The following FGFR4 variants were observed in gnomAD, a reference collection of about 807,000 sequenced individuals.
The protein encoded by FGFR4 is hydroxyaryl-protein kinase.
Under a neutral mutation model 89.9 loss-of-function variants are expected in FGFR4, and 63 were observed. That is an observed-to-expected ratio of 0.70 (90% CI 0.57 to 0.86). FGFR4 has a LOEUF of 0.86. Among genes scored for constraint, FGFR4 ranks in the 40% least tolerant of loss-of-function variants. The pLI is 0.00. For synonymous variants in FGFR4, 486 were observed against 479.4 expected, an observed-to-expected ratio of 1.01 and a Z score of -0.18; for missense variants, 928 against 1,106.7, an observed-to-expected ratio of 0.84 and a Z score of 2.29.
At position 177,093,286 on chromosome 5, in the gene FGFR4, G is replaced by A. The variant is rs147603016; in HGVS notation, c.1206G>A (p.Pro402=). Residue 402 remains proline (P), a synonymous_variant, in exon 9 of 18, where the codon CCG becomes CCA. Coordinates refer to ENST00000292408, the MANE Select transcript of FGFR4 (RefSeq NM_213647.3). The surrounding 1 kb of genome is among the most constrained non-coding windows in gnomAD (Gnocchi z 5.8). ...CGCTCCACGGCCGGCACCCCCGCCCGCCCGCCACTGTGCAGAAGCTCTCCC... is the reference window on the plus strand; with the variant it reads ...CGCTCCACGGCCGGCACCCCCGCCCACCCGCCACTGTGCAGAAGCTCTCCC... The part of the protein sequence containing the change: ...GQALHGRHPR[P]PATVQKLSRF... The A allele has an allele frequency of 4.2e-4, 298 of 709,232 alleles. No homozygotes were observed. The highest frequency in any genetic ancestry group is 6.0e-4 in the Non-Finnish European group (250 of 416,548). 43.9% of individuals were successfully genotyped at this position (709,232 alleles called of 1,614,324 possible). A position where few individuals can be genotyped will look rare whatever the true frequency, so the allele number is the denominator to read the frequency against.
At chr5:177,092,099 T>C (rs1037534095) in intron 6 of FGFR4, among the ~76,000 whole-genome samples, 4 of 152,194 alleles carry the variant, frequency 2.6e-5, no homozygotes, top group Non-Finnish European at 5.9e-5. Flanking sequence ...GTGGCGTTTA[T>C]ATGGGGAGCC....
At chr5:177,090,901 C>A (rs2149731572) in intron 4 of FGFR4, 37 bp from the exon 5 acceptor site, 1 of 1,614,176 alleles carries the variant, frequency 6.2e-7, no homozygotes, top group African/African-American at 1.3e-5. Flanking sequence ...TGTGTGGGAA[C>A]ACACGGTCAT....
chr5:177,087,615 C>G lies in FGFR4; in HGVS notation c.-54+538C>G. Reference sequence around the variant, plus strand: ...GCCATGGGTGACTCGACTAAGGACTCTGATATCAGGGCAGCCTGGGGTAGG... The same window carrying G: ...GCCATGGGTGACTCGACTAAGGACTGTGATATCAGGGCAGCCTGGGGTAGG... On this transcript the variant is annotated intron_variant, in intron 1 of 17. Coordinates refer to ENST00000292408, the MANE Select transcript of FGFR4 (RefSeq NM_213647.3). This position sits in a 1 kb window ranked among gnomAD's most constrained non-coding sequence, Gnocchi z 6.1. 1 of 985,454 alleles carries G rather than the reference C, an allele frequency of 1.0e-6. No homozygotes were observed. Among genetic ancestry groups the G allele is most frequent in the Non-Finnish European group, 1.2e-6 (1 of 829,976 alleles). The allele number at this position is 985,454 out of a possible 1,614,324, so 61.0% of individuals were successfully genotyped here.
At chr5:177,088,895 T>C (rs1420987833) in intron 1 of FGFR4, among the ~76,000 whole-genome samples, 1 of 152,228 alleles carries the variant, frequency 6.6e-6, no homozygotes, top group Non-Finnish European at 1.5e-5. Context: ...AGACAAGGAA[T>C]TACAAGTTGG....
chr5:177,095,863 G>T lies in FGFR4; in HGVS notation c.1821+140G>T. ...TGTCCCCAGGCATTCACGCTTTCCT[G>T]CATTCCCCACTCGTTCCTCACCCTT... On this transcript the variant is annotated intron_variant, in intron 13 of 17. Coordinates refer to ENST00000292408, the MANE Select transcript of FGFR4 (RefSeq NM_213647.3). This position sits in a 1 kb window ranked among gnomAD's most constrained non-coding sequence, Gnocchi z 5.7. 8.0e-7 allele frequency: 1 copy of T among 1,248,844 alleles called. No homozygotes were observed. Among genetic ancestry groups the T allele is most frequent in the Non-Finnish European group, 1.1e-6 (1 of 920,708 alleles). The allele number at this position is 1,248,844 out of a possible 1,614,324, so 77.4% of individuals were successfully genotyped here. A position where few individuals can be genotyped will look rare whatever the true frequency, so the allele number is the denominator to read the frequency against.
chr5:177,094,920 G>C, intron 11 of FGFR4: 1 of 185,694 alleles, frequency 5.4e-6, no homozygotes, highest in Non-Finnish European at 1.1e-5. Flanking sequence ...TGGTCAAACA[G>C]ACCCCAGGGC....
chr5:177,094,136 TG>T (rs45509693), intron 11 of FGFR4, among the ~76,000 whole-genome samples: 3,586 of 152,122 alleles, frequency 0.024, 150 homozygotes, highest in African/African-American at 0.083. Context: ...GCTATGGCAT[TG>T]GGACTAATAG....
intron 6 of FGFR4, 141 bp from the exon 7 acceptor site, chr5:177,092,180 G>C: frequency 1.1e-6 from 1 of 874,622 alleles, no homozygotes; most frequent in African/African-American, 1.7e-5. Flanking sequence ...AGCCAGGGAA[G>C]GTTTAAGCAG....
chr5:177,094,997 G>A, intron 11 of FGFR4: 1 of 295,824 alleles, frequency 3.4e-6, no homozygotes, highest in Non-Finnish European at 6.6e-6. Context: ...CCCTCCAGCG[G>A]CAGCTTCCTT....
In FGFR4 at chr5:177,095,662, C is replaced by T. The variant is rs1784528758; in HGVS notation, c.1760C>T (p.Pro587Leu). Residue 587 changes from proline (P) to leucine (L), a missense_variant, in exon 13 of 18, where the codon CCA becomes CTA. Physicochemically the swap from Pro to Leu is moderately conservative, Grantham distance 98 (BLOSUM62 -3). This residue lies in a region of FGFR4 where 741 missense variants were observed against 836.9 expected (regional missense o/e 0.89). Coordinates refer to ENST00000292408, the MANE Select transcript of FGFR4 (RefSeq NM_213647.3). The surrounding 1 kb of genome is among the most constrained non-coding windows in gnomAD (Gnocchi z 5.7). ...PRSSEGPLSF[P>L]VLVSCAYQVA... The stretch of plus-strand genomic sequence containing the variant: ...AGCAGTGAGGGGCCGCTCTCCTTCC[C>T]AGTCCTGGTCTCCTGCGCCTACCAG... 1 of 1,609,018 alleles carries T rather than the reference C, an allele frequency of 6.2e-7. No homozygotes were observed. The highest frequency in any genetic ancestry group is 1.3e-5 in the African/African-American group (1 of 74,966).
In FGFR4 at chr5:177,097,651, C is replaced by T. The variant is rs1784659604; in HGVS notation, c.2384C>T (p.Pro795Leu). Residue 795 changes from proline to leucine, a missense_variant, in exon 18 of 18, where the codon CCC (proline) becomes CTC (leucine). Transcript: ENST00000292408. Reference protein sequence around the residue: ...DPLPLGSSSFPFGSGVQT With the variant: ...DPLPLGSSSFLFGSGVQT ...CTGCCATTGGGATCCAGCTCCTTCC[C>T]CTTCGGGTCTGGGGTGCAGACATGA... 4 of 1,614,050 alleles carry T rather than the reference C, an allele frequency of 2.5e-6. No individual in the cohort carries two copies. The highest frequency in any genetic ancestry group is 1.6e-4 in the Middle Eastern group (1 of 6,084).
At chr5:177,092,183 T>G in intron 6 of FGFR4, 138 bp from the exon 7 acceptor site, 1 of 916,484 alleles carries the variant, frequency 1.1e-6, no homozygotes. Context: ...CAGGGAAGGT[T>G]TAAGCAGGGT....
rs1324539805 is a variant in FGFR4, at chr5:177,097,690, C to T, written c.*14C>T. The T allele has an allele frequency of 6.2e-7, 1 of 1,612,622 alleles. No individual in the cohort carries two copies. Among genetic ancestry groups the T allele is most frequent in the Non-Finnish European group, 8.5e-7 (1 of 1,179,244 alleles). On this transcript the variant is annotated 3_prime_UTR_variant, in exon 18 of 18. Coordinates refer to ENST00000292408, the MANE Select transcript of FGFR4 (RefSeq NM_213647.3). ...GTGCAGACATGAGCAAGGCTCAAGG[C>T]TGTGCAGGCACATAGGCTGGTGGCC...
At chr5:177,089,452 TG>T in intron 1 of FGFR4, 97 bp from the exon 2 acceptor site, 2 of 1,366,416 alleles carry the variant, frequency 1.5e-6, no homozygotes, top group Non-Finnish European at 9.8e-7. Context: ...ACACATCTGC[TG>T]GCCACTTCCT....
At chr5:177,094,979 C>G (rs1784496548) in intron 11 of FGFR4, 1 of 280,388 alleles carries the variant, frequency 3.6e-6, no homozygotes, top group South Asian at 4.2e-5. Flanking sequence ...GCGGGGACTA[C>G]CGCTGACCCC....
At position 177,096,078 on chromosome 5, in the gene FGFR4, G is replaced by A. The variant is rs2149738444; in HGVS notation, c.1843G>A (p.Ala615Thr). The A allele has an allele frequency of 1.2e-6, 2 of 1,614,056 alleles. No homozygotes were observed. Among genetic ancestry groups the A allele is most frequent in the Non-Finnish European group, 1.7e-6 (2 of 1,179,992 alleles). Residue 615 changes from alanine to threonine, a missense_variant, in exon 14 of 18, where the codon GCC becomes ACC. This residue lies in a region of FGFR4 where 11 missense variants were observed against 37.2 expected (regional missense o/e 0.30). Coordinates refer to ENST00000292408, the MANE Select transcript of FGFR4 (RefSeq NM_213647.3). The stretch of plus-strand genomic sequence containing the variant: ...GCAGTGTATCCACCGGGACCTGGCT[G>A]CCCGCAATGTGCTGGTGACTGAGGA... ...SRKCIHRDLA[A>T]RNVLVTEDNV...
At position 177,097,345 on chromosome 5, in the gene FGFR4, T is replaced by G. The variant is rs762551518; in HGVS notation, c.2207T>G (p.Phe736Cys). 26 of 1,611,936 alleles carry G rather than the reference T, an allele frequency of 1.6e-5. No homozygotes were observed. Among genetic ancestry groups the G allele is most frequent in the Non-Finnish European group, 2.0e-5 (23 of 1,179,402 alleles). ...WHAAPSQRPT[F>C]KQLVEALDKV... ...GCAGCGCCCTCCCAGAGGCCTACCT[T>G]CAAGCAGCTGGTGGAGGCGCTGGAC... Residue 736 changes from phenylalanine (F) to cysteine (C), a missense_variant, in exon 17 of 18, where the codon TTC (phenylalanine) becomes TGC (cysteine). By Grantham distance (205) the Phe-to-Cys change is radical. Coordinates refer to ENST00000292408, the MANE Select transcript of FGFR4 (RefSeq NM_213647.3).
intron 2 of FGFR4, chr5:177,089,902 G>A (rs1371048545): frequency 1.3e-6 from 1 of 748,854 alleles, no homozygotes; most frequent in East Asian, 2.7e-5. Flanking sequence ...GACTGGCCTT[G>A]CAGGGCGCAG....
At position 177,095,613 on chromosome 5, in the gene FGFR4, G is replaced by T; in HGVS notation, c.1711G>T (p.Asp571Tyr). The T allele has an allele frequency of 6.2e-7, 1 of 1,605,068 alleles. No homozygotes were observed. Among genetic ancestry groups the T allele is most frequent in the Non-Finnish European group, 8.5e-7 (1 of 1,176,980 alleles). Residue 571 changes from aspartate (D) to tyrosine (Y), a missense_variant, in exon 13 of 18, where the codon GAC becomes TAC. Transcript: ENST00000292408. The surrounding 1 kb of genome is among the most constrained non-coding windows in gnomAD (Gnocchi z 5.7). ...GCGGGCCCGGCGCCCCCCAGGCCCC[G>T]ACCTCAGCCCCGACGGTCCTCGGAG... ...FLRARRPPGPDLSPDGPRSSE... is the reference protein window; with the variant it reads ...FLRARRPPGPYLSPDGPRSSE...
Sources: allele counts gnomAD v4.1 joint callset (sites outside exome capture counted in the v4.1 genomes callset), GRCh38; gene constraint gnomAD v4.1.1; regional missense constraint gnomAD v4.1.1; non-coding constraint Gnocchi (gnomAD v3.1); transcripts MANE v1.5; gene names NCBI Gene and HGNC (gene_info 2026-07-23, HGNC 2026-07-21).